The following RNF152 variants were observed in gnomAD, a reference collection of about 807,000 sequenced individuals.
RNF152 encodes the protein E3 ubiquitin-protein ligase RNF152.
A neutral mutation model predicts 12.7 loss-of-function variants in RNF152; 11 were observed. That is an observed-to-expected ratio of 0.86 (90% confidence interval 0.54 to 1.43). The LOEUF (loss-of-function observed/expected upper bound fraction) is 1.43. RNF152 is among the 40% of genes most tolerant of loss of function. RNF152 has a pLI of 0.00. For synonymous variants in RNF152, 113 were observed against 120.3 expected (o/e 0.94, Z 0.40); for missense variants, 255 against 274.8 (o/e 0.93, Z 0.51).
intron 1 of RNF152, among the ~76,000 whole-genome samples, chr18:61,847,942 C>T (rs1011943584): frequency 6.6e-6 from 1 of 152,140 alleles, no homozygotes; most frequent in Non-Finnish European, 1.5e-5. Context: ...TTACACATTG[C>T]AAGCTCTCAC....
intron 1 of RNF152, among the ~76,000 whole-genome samples, chr18:61,877,485 C>T (rs1397306632): frequency 6.6e-6 from 1 of 152,188 alleles, no homozygotes; most frequent in Non-Finnish European, 1.5e-5. Context: ...ATGCATTATA[C>T]ATAAATTGCC....
intron 1 of RNF152, among the ~76,000 whole-genome samples, chr18:61,843,114 C>A (rs1910525030): frequency 1.3e-5 from 2 of 152,174 alleles, no homozygotes; most frequent in Non-Finnish European, 2.9e-5. Flanking sequence ...TATTTGACAA[C>A]CTGCTCTGTG....
At chr18:61,874,392 C>T (rs567018309) in intron 1 of RNF152, among the ~76,000 whole-genome samples, 1 of 152,206 alleles carries the variant, frequency 6.6e-6, no homozygotes, top group African/African-American at 2.4e-5. Context: ...TTAGCATGCA[C>T]AGAGTGGAAA....
chr18:61,879,236 T>C (rs78729893), intron 1 of RNF152, among the ~76,000 whole-genome samples: 17 of 152,346 alleles, frequency 1.1e-4, no homozygotes, highest in African/African-American at 3.8e-4. Context: ...CGATACAGTA[T>C]AACAACAACT....
intron 1 of RNF152, among the ~76,000 whole-genome samples, chr18:61,832,843 T>G (rs1910010946): frequency 6.6e-6 from 1 of 152,222 alleles, no homozygotes; most frequent in Non-Finnish European, 1.5e-5. Flanking sequence ...AAATAGTAAT[T>G]AGATGACAAT....
chr18:61,868,885 A>G (rs1359592378), intron 1 of RNF152, among the ~76,000 whole-genome samples: 1 of 152,140 alleles, frequency 6.6e-6, no homozygotes, highest in Non-Finnish European at 1.5e-5. Flanking sequence ...ACAGTGCAAA[A>G]AGACCAGCAG....
intron 1 of RNF152, among the ~76,000 whole-genome samples, chr18:61,835,891 A>G (rs1012226912): frequency 2.0e-5 from 3 of 152,250 alleles, no homozygotes; most frequent in African/African-American, 7.2e-5. Flanking sequence ...CCAGATTGAT[A>G]TTGTCAGAAA....
chr18:61,848,825 G>T (rs1297677598), intron 1 of RNF152, among the ~76,000 whole-genome samples: 1 of 152,198 alleles, frequency 6.6e-6, no homozygotes, highest in African/African-American at 2.4e-5. Flanking sequence ...TCTCCATCTT[G>T]TCCCTCAGTC....
At chr18:61,880,650 C>A (rs546398527) in intron 1 of RNF152, among the ~76,000 whole-genome samples, 1 of 152,146 alleles carries the variant, frequency 6.6e-6, no homozygotes, top group Non-Finnish European at 1.5e-5. Flanking sequence ...AAATACATTG[C>A]GGAATCCAAG....
At chr18:61,847,688 G>A (rs1433511379) in intron 1 of RNF152, among the ~76,000 whole-genome samples, 2 of 152,068 alleles carry the variant, frequency 1.3e-5, no homozygotes, top group South Asian at 4.2e-4. Context: ...ATCATTCCTC[G>A]GGTTTCTCAT....
chr18:61,826,099 A>C (rs548900643), intron 1 of RNF152, among the ~76,000 whole-genome samples: 2 of 152,334 alleles, frequency 1.3e-5, no homozygotes, highest in East Asian at 1.9e-4. Context: ...GGAATGAGCA[A>C]GGCTATGTTC....
Position 61,892,588 on chromosome 18 carries a change from T to A in RNF152, c.-136+207A>T, listed in dbSNP as rs985916092. Among the ~76,000 whole-genome samples, 3 of 152,232 alleles carry A rather than the reference T, an allele frequency of 2.0e-5. No homozygotes were observed. In the East Asian group the frequency reaches 5.8e-4, roughly 29 times the overall value. Reference sequence around the variant, plus strand: ...GATTTCTACAATCCCAAATTCACCCTGCACCTACCTCCAATGGCTTCTTCA... The same window carrying A: ...GATTTCTACAATCCCAAATTCACCCAGCACCTACCTCCAATGGCTTCTTCA... On this transcript the variant is annotated intron_variant, in intron 1 of 1. Transcript: ENST00000312828.
intron 1 of RNF152, among the ~76,000 whole-genome samples, chr18:61,855,273 T>C (rs2144703087): frequency 6.6e-6 from 1 of 152,362 alleles, no homozygotes; most frequent in African/African-American, 2.4e-5. Context: ...TTACCAGGAG[T>C]CAACCTTAAA....
rs1297005618 is a variant in RNF152, at chr18:61,828,327, T to C, written c.-135-11729A>G. ...TATTCACAAGCATGATCATAGCTCA[T>C]TGCATCCTTGAACTCCTTGCCTCAA... On this transcript the variant is annotated intron_variant, in intron 1 of 1. Transcript: ENST00000312828. 3.9e-5 allele frequency among the ~76,000 whole-genome samples: 6 copies of C among 152,186 alleles called. No individual in the cohort carries two copies. In the South Asian group the frequency reaches 1.0e-3, roughly 26 times the overall value.
At chr18:61,879,957 C>T (rs1004747368) in intron 1 of RNF152, among the ~76,000 whole-genome samples, 3 of 139,910 alleles carry the variant, frequency 2.1e-5, no homozygotes, top group South Asian at 4.9e-4. Flanking sequence ...AAGAGCGAAA[C>T]TCCATCTCAA....
chr18:61,859,653 C>A (rs559524302), intron 1 of RNF152, among the ~76,000 whole-genome samples: 15 of 152,244 alleles, frequency 9.9e-5, no homozygotes, highest in East Asian at 3.9e-4. Flanking sequence ...CCGAGGCGGG[C>A]AGATCACTTG....
At chr18:61,848,017 T>C (rs1201582786) in intron 1 of RNF152, among the ~76,000 whole-genome samples, 1 of 152,194 alleles carries the variant, frequency 6.6e-6, no homozygotes, top group Non-Finnish European at 1.5e-5. Context: ...TAACACCTTA[T>C]GTAATCTACC....
At chr18:61,882,967 C>T (rs1267700717) in intron 1 of RNF152, among the ~76,000 whole-genome samples, 26 of 152,136 alleles carry the variant, frequency 1.7e-4, no homozygotes, top group Admixed American at 1.6e-3. Context: ...TAGCATCATG[C>T]GGTTCCACCA....
intron 1 of RNF152, among the ~76,000 whole-genome samples, chr18:61,844,118 G>GAAAGAA (rs1568275393): frequency 9.7e-5 from 11 of 112,934 alleles, no homozygotes; most frequent in South Asian, 2.8e-4. Context: ...AAGAAAGAAA[G>GAAAGAA]AAAGAAAGAA....
Sources: gnomAD v4.1 joint callset for allele counts (sites outside exome capture counted in the v4.1 genomes callset) on GRCh38, gnomAD v4.1.1 for gene constraint, MANE v1.5 for transcripts, NCBI Gene and HGNC (gene_info 2026-07-23, HGNC 2026-07-21) for gene names.